POLR3F: variants seen among roughly 807,000 people sequenced by gnomAD.
The protein encoded by POLR3F is DNA-directed RNA polymerase III subunit RPC6.
Under a neutral mutation model 43.6 loss-of-function variants are expected in POLR3F, and 31 were observed. That is an observed-to-expected ratio of 0.71 (90% CI 0.53 to 0.96). The LOEUF is 0.96. Ranked by LOEUF, POLR3F falls within the 40% of genes least tolerant of loss-of-function variation. POLR3F has a pLI of 0.00. For synonymous variants in POLR3F, 114 were observed against 132.5 expected, an observed-to-expected ratio of 0.86 and a Z score of 0.96; for missense variants, 316 against 391.7, an observed-to-expected ratio of 0.81 and a Z score of 1.63.
At position 18,484,076 on chromosome 20, in the gene POLR3F, G is replaced by T. The variant is rs948266534; in HGVS notation, c.*518G>T. On this transcript the variant is annotated 3_prime_UTR_variant, in exon 9 of 9. Coordinates refer to ENST00000377603, the MANE Select transcript of POLR3F (RefSeq NM_006466.4). Reference sequence around the variant, plus strand: ...AGAGTGCAAACTTGGGGTATGACTGGGGGAGAGTGGAACATGCCTTTTCCG... The same window carrying T: ...AGAGTGCAAACTTGGGGTATGACTGTGGGAGAGTGGAACATGCCTTTTCCG... 1 of 398,348 alleles carries T rather than the reference G, an allele frequency of 2.5e-6. No individual in the cohort carries two copies. Among genetic ancestry groups the T allele is most frequent in the Non-Finnish European group, 4.4e-6 (1 of 226,014 alleles). The allele number at this position is 398,348 out of a possible 1,614,324, so 24.7% of individuals were successfully genotyped here. A position where few individuals can be genotyped will look rare whatever the true frequency, so the allele number is the denominator to read the frequency against.
chr20:18,472,897 C>T lies in POLR3F; in HGVS notation c.236C>T (p.Ser79Phe). 7.0e-7 allele frequency: 1 copy of T among 1,434,248 alleles called. No individual in the cohort carries two copies. The highest frequency in any genetic ancestry group is 2.3e-5 in the East Asian group (1 of 42,642). 88.8% of individuals were successfully genotyped at this position (1,434,248 alleles called of 1,614,324 possible). A position where few individuals can be genotyped will look rare whatever the true frequency, so the allele number is the denominator to read the frequency against. Residue 79 changes from serine (S) to phenylalanine (F), a missense_variant, in exon 3 of 9, where the codon TCT (serine) becomes TTT (phenylalanine). This residue lies in a region of POLR3F where 122 missense variants were observed against 133.8 expected (regional missense o/e 0.91). Coordinates refer to ENST00000377603, the MANE Select transcript of POLR3F (RefSeq NM_006466.4). ...GGCCTTTTATATAGAATAAAGGACTCTCAGAATGCTGGGTAAGTACTTGTT... is the reference window on the plus strand; with the variant it reads ...GGCCTTTTATATAGAATAAAGGACTTTCAGAATGCTGGGTAAGTACTTGTT... ...NTGLLYRIKD[S>F]QNAGKMKGSD...
At chr20:18,470,340 T>A (rs1476698139) in intron 2 of POLR3F, among the ~76,000 whole-genome samples, 1 of 152,240 alleles carries the variant, frequency 6.6e-6, no homozygotes, top group Non-Finnish European at 1.5e-5. Flanking sequence ...GCTCAGGAGT[T>A]GGCAAACTTT....
Position 18,481,610 on chromosome 20 carries a change from C to A in POLR3F, c.682-9C>A. 6.3e-7 allele frequency: 1 copy of A among 1,584,152 alleles called. No homozygotes were observed. The highest frequency in any genetic ancestry group is 1.7e-4 in the Middle Eastern group (1 of 6,014). ...TACTTGTGTCCTTTCTGATGTATCC[C>A]TTTTTTAGGTAGAGTTATCCATGGA... On this transcript the variant is annotated splice_polypyrimidine_tract_variant and intron_variant, in intron 7 of 8. Transcript: ENST00000377603.
rs909547615 is a variant in POLR3F, at chr20:18,467,718, C to G, written c.62+150C>G. On this transcript the variant is annotated intron_variant, in intron 1 of 8. Transcript: ENST00000377603. ...TTGCGGGGTTCTGGACCCACTTGTT[C>G]CTTCCCATCCTGGGAGAGCAGAACT... The G allele has an allele frequency of 6.2e-6, 9 of 1,460,642 alleles. No homozygotes were observed. In the African/African-American group the frequency reaches 1.1e-4, roughly 18 times the overall value. 90.5% of individuals were successfully genotyped at this position (1,460,642 alleles called of 1,614,324 possible).
intron 2 of POLR3F, among the ~76,000 whole-genome samples, chr20:18,472,582 A>G (rs1374610274): frequency 2.0e-5 from 3 of 151,662 alleles, no homozygotes; most frequent in African/African-American, 7.2e-5. Flanking sequence ...TTTATTTTAT[A>G]TATGTAATTT....
chr20:18,479,134 G>A (rs1481891783), intron 5 of POLR3F, among the ~76,000 whole-genome samples: 1 of 150,892 alleles, frequency 6.6e-6, no homozygotes, highest in Non-Finnish European at 1.5e-5. Context: ...CAACAAGAGC[G>A]AAACTCCGTT....
rs1195284280 is a variant in POLR3F, at chr20:18,484,598, T to TA, written c.*1040_*1041insA. On this transcript the variant is annotated 3_prime_UTR_variant, in exon 9 of 9. Coordinates refer to ENST00000377603, the MANE Select transcript of POLR3F (RefSeq NM_006466.4). The stretch of plus-strand genomic sequence containing the variant: ...TCTGTAAGCACCTTGATCTTGGACT[T>TA]CTCAGCCTCCAGAATTGTGAGAAAT... 6.4e-6 allele frequency: 1 copy of TA among 157,148 alleles called. No homozygotes were observed. Among genetic ancestry groups the TA allele is most frequent in the Admixed American group, 6.5e-5 (1 of 15,402 alleles). 9.7% of individuals were successfully genotyped at this position (157,148 alleles called of 1,614,324 possible).
intron 6 of POLR3F, 85 bp from the exon 7 acceptor site, chr20:18,480,317 T>A: frequency 8.2e-7 from 1 of 1,213,978 alleles, no homozygotes; most frequent in South Asian, 1.3e-5. Context: ...AAATATGTTC[T>A]GTTGTTGGTT....
At chr20:18,479,146 C>CAA (rs539213732) in intron 5 of POLR3F, among the ~76,000 whole-genome samples, 2 of 133,962 alleles carry the variant, frequency 1.5e-5, no homozygotes, top group African/African-American at 5.5e-5. Context: ...AACTCCGTTT[C>CAA]AAAAAAAAAA....
chr20:18,471,300 A>G (rs112774752), intron 2 of POLR3F, among the ~76,000 whole-genome samples: 8 of 152,214 alleles, frequency 5.3e-5, no homozygotes, highest in African/African-American at 1.9e-4. Flanking sequence ...CTTATTCTTT[A>G]CAGATGACTA....
At position 18,483,565 on chromosome 20, in the gene POLR3F, G is replaced by C; in HGVS notation, c.*7G>C. ...AGAGTGGCTCGAATTTTAATAGAGA[G>C]CTATGAACTTTATTGACATTTTGCA... On this transcript the variant is annotated 3_prime_UTR_variant, in exon 9 of 9. Transcript: ENST00000377603. 1 of 1,295,266 alleles carries C rather than the reference G, an allele frequency of 7.7e-7. No individual in the cohort carries two copies. Among genetic ancestry groups the C allele is most frequent in the East Asian group, 2.4e-5 (1 of 41,568 alleles). The allele number at this position is 1,295,266 out of a possible 1,614,324, so 80.2% of individuals were successfully genotyped here. A position where few individuals can be genotyped will look rare whatever the true frequency, so the allele number is the denominator to read the frequency against.
chr20:18,481,690 G>A lies in POLR3F; in HGVS notation c.753G>A (p.Thr251=). 4 of 1,612,700 alleles carry A rather than the reference G, an allele frequency of 2.5e-6. No individual in the cohort carries two copies. Among genetic ancestry groups the A allele is most frequent in the Non-Finnish European group, 3.4e-6 (4 of 1,178,686 alleles). The part of the protein sequence containing the change: ...TLIYDGKVEM[T]IIAAKEGTVG... Reference sequence around the variant, plus strand: ...TTTATGATGGAAAAGTGGAGATGACGATTATTGCTGCAAAAGAAGGCACAG... The same window carrying A: ...TTTATGATGGAAAAGTGGAGATGACAATTATTGCTGCAAAAGAAGGCACAG... Residue 251 remains threonine, a synonymous_variant, in exon 8 of 9, where the codon ACG becomes ACA. Coordinates refer to ENST00000377603, the MANE Select transcript of POLR3F (RefSeq NM_006466.4).
rs1376994774 is a variant in POLR3F, at chr20:18,481,680, T to TG, written c.745dup (p.Glu249GlyfsTer46). ...AATACACTCATTTATGATGGAAAAG[T>TG]GGAGATGACGATTATTGCTGCAAAA... is the stretch of plus-strand genomic sequence containing the variant. On this transcript the variant is annotated frameshift_variant, in exon 8 of 9. Coordinates refer to ENST00000377603, the MANE Select transcript of POLR3F (RefSeq NM_006466.4). LOFTEE classifies it high-confidence loss of function. 1 of 1,612,988 alleles carries TG rather than the reference T, an allele frequency of 6.2e-7. No homozygotes were observed. The highest frequency in any genetic ancestry group is 1.1e-5 in the South Asian group (1 of 91,058).
At chr20:18,475,624 C>T (rs1412848954) in intron 5 of POLR3F, among the ~76,000 whole-genome samples, 1 of 152,180 alleles carries the variant, frequency 6.6e-6, no homozygotes, top group Non-Finnish European at 1.5e-5. Context: ...TCCTGCTCCT[C>T]ATCCTGCCCC....
Position 18,471,043 on chromosome 20 carries a change from C to T in POLR3F, c.181-1799C>T, listed in dbSNP as rs141989326. ...TACAGTCATGAGCCACCGAGCCTGG[C>T]CCCTGATCTGTCTTAAATGCAGGTC... On this transcript the variant is annotated intron_variant, in intron 2 of 8. Transcript: ENST00000377603. Among the ~76,000 whole-genome samples the T allele has an allele frequency of 4.6e-3, 705 of 152,218 alleles. 6 individuals are homozygous for T. The highest frequency in any genetic ancestry group is 0.016 in the African/African-American group (676 of 41,532).
At chr20:18,469,847 A>G (rs1382706526) in intron 2 of POLR3F, among the ~76,000 whole-genome samples, 1 of 152,182 alleles carries the variant, frequency 6.6e-6, no homozygotes, top group Non-Finnish European at 1.5e-5. Flanking sequence ...GCCATTTCCC[A>G]TAAAATATTC....
In POLR3F at chr20:18,483,707, T is replaced by G; in HGVS notation, c.*149T>G. ...CTGCTATGAAAACATATTTTTTTTA[T>G]TTATGAAGACTAAATTTATATTGGT... is the stretch of plus-strand genomic sequence containing the variant. On this transcript the variant is annotated 3_prime_UTR_variant, in exon 9 of 9. Coordinates refer to ENST00000377603, the MANE Select transcript of POLR3F (RefSeq NM_006466.4). The G allele has an allele frequency of 2.3e-6, 1 of 431,928 alleles. No homozygotes were observed. Among genetic ancestry groups the G allele is most frequent in the Non-Finnish European group, 4.1e-6 (1 of 246,648 alleles). 26.8% of individuals were successfully genotyped at this position (431,928 alleles called of 1,614,324 possible).
intron 7 of POLR3F, 31 bp downstream of exon 7, chr20:18,480,540 A>ATCGG: frequency 1.5e-6 from 2 of 1,292,106 alleles, no homozygotes; most frequent in South Asian, 1.2e-5. Flanking sequence ...TATTTTTTAA[A>ATCGG]ACTTATTCTT....
intron 3 of POLR3F, 58 bp downstream of exon 3, chr20:18,472,967 T>TGG: frequency 1.2e-6 from 1 of 809,908 alleles, no homozygotes; most frequent in Non-Finnish European, 2.1e-6. Flanking sequence ...ACGTATGTGT[T>TGG]GGGAATAAAG....
Sources: gnomAD v4.1 joint callset for allele counts (sites outside exome capture counted in the v4.1 genomes callset) on GRCh38, gnomAD v4.1.1 for gene constraint, gnomAD v4.1.1 regional missense constraint, MANE v1.5 for transcripts, NCBI Gene and HGNC (gene_info 2026-07-23, HGNC 2026-07-21) for gene names.